KIF1B: variants seen among roughly 807,000 people sequenced by gnomAD.
The protein encoded by KIF1B is kinesin-like protein KIF1B.
KIF1B carries 76 observed loss-of-function variants against 241.9 expected under a neutral mutation model. The ratio of observed to expected loss-of-function variants is 0.31; its 90% confidence interval spans 0.26 to 0.38. The LOEUF (loss-of-function observed/expected upper bound fraction) is 0.38, where lower values mean the gene tolerates loss of function less well. Ranked by LOEUF, KIF1B falls within the 10% of genes least tolerant of loss-of-function variation. The pLI, the probability that KIF1B is intolerant of heterozygous loss-of-function variation, is 1.00. For synonymous variants in KIF1B, 750 were observed against 796.7 expected (o/e 0.94, Z 0.99); for missense variants, 1,622 against 2,271.4 (o/e 0.71, Z 5.81).
intron 22 of KIF1B, among the ~76,000 whole-genome samples, chr1:10,317,472 G>C (rs529622128): frequency 4.6e-5 from 7 of 151,396 alleles, no homozygotes; most frequent in African/African-American, 1.7e-4. Context: ...TCCTTTCAGT[G>C]GCAGTGGTAC....
intron 44 of KIF1B, 49 bp downstream of exon 44, chr1:10,368,587 C>T (rs1487408943): frequency 6.8e-7 from 1 of 1,480,112 alleles, no homozygotes; most frequent in Non-Finnish European, 9.5e-7. Flanking sequence ...TAACTGATTT[C>T]TCCACAGCAG....
intron 13 of KIF1B, chr1:10,278,762 T>C: frequency 3.9e-6 from 1 of 257,442 alleles, no homozygotes; most frequent in South Asian, 9.5e-5. Context: ...ATCCAGTGGC[T>C]TATTCAGAAG....
chr1:10,235,185 C>T (rs1230550611), intron 2 of KIF1B, among the ~76,000 whole-genome samples: 3 of 152,094 alleles, frequency 2.0e-5, no homozygotes, highest in South Asian at 2.1e-4. Flanking sequence ...CCACCGTGCT[C>T]GGCCAAAATA....
In KIF1B at chr1:10,326,273, C is replaced by T. The variant is rs138353787; in HGVS notation, c.2838C>T (p.Asp946=). Reference sequence around the variant, plus strand: ...CATTCGTGGATGACGCCGGCTCTGACGCAGGGACGGAGGAGGGATCAGATC... The same window carrying T: ...CATTCGTGGATGACGCCGGCTCTGATGCAGGGACGGAGGAGGGATCAGATC... The part of the protein sequence containing the change: ...DEAFVDDAGS[D]AGTEEGSDLF... The change falls in exon 27 of 49, where the codon GAC becomes GAT. Residue 946 remains aspartate, a synonymous_variant. Transcript: ENST00000676179. This position sits in a 1 kb window ranked among gnomAD's most constrained non-coding sequence, Gnocchi z 5.2. The T allele has an allele frequency of 9.3e-6, 15 of 1,614,012 alleles. No individual in the cohort carries two copies. The highest frequency in any genetic ancestry group is 2.2e-5 in the East Asian group (1 of 44,896).
chr1:10,304,655 A>G (rs935485975), intron 22 of KIF1B: 6 of 1,613,480 alleles, frequency 3.7e-6, no homozygotes, highest in Non-Finnish European at 5.1e-6. Context: ...TAAATCAGTT[A>G]CTGGACAAAC....
chr1:10,281,496 A>G (rs767207696), intron 14 of KIF1B, among the ~76,000 whole-genome samples: 2 of 152,168 alleles, frequency 1.3e-5, no homozygotes, highest in African/African-American at 2.4e-5. Context: ...CTTGCATTTT[A>G]TACTAGGAAG....
In KIF1B at chr1:10,295,139, T is replaced by G; in HGVS notation, c.1644T>G (p.Leu548=). ...NEDPLMSECL[L]YYIKDGITRV... is the part of the protein sequence containing the mutation. ...ACCCACTAATGTCTGAGTGCCTACT[T>G]TATTACATCAAAGATGGAATTACAA... The change falls in exon 18 of 49, where the codon CTT becomes CTG. Residue 548 remains leucine, a synonymous_variant. Coordinates refer to ENST00000676179, the MANE Select transcript of KIF1B (RefSeq NM_001365951.3). 1.9e-6 allele frequency: 3 copies of G among 1,605,396 alleles called. No individual in the cohort carries two copies. Among genetic ancestry groups the G allele is most frequent in the Non-Finnish European group, 2.6e-6 (3 of 1,172,028 alleles).
chr1:10,342,717 G>T (rs1652445613), intron 33 of KIF1B, among the ~76,000 whole-genome samples: 1 of 152,184 alleles, frequency 6.6e-6, no homozygotes, highest in Non-Finnish European at 1.5e-5. Flanking sequence ...TCCTTAAAGG[G>T]AATTAAAACA....
At chr1:10,221,094 C>CTT (rs34039054) in intron 1 of KIF1B, among the ~76,000 whole-genome samples, 3,744 of 94,232 alleles carry the variant, frequency 0.04, 518 homozygotes, top group African/African-American at 0.11. Flanking sequence ...CAGAAAGAAG[C>CTT]TTTTTTTTTT....
intron 27 of KIF1B, among the ~76,000 whole-genome samples, chr1:10,334,149 CAAAA>C (rs372716443): frequency 1.2e-5 from 1 of 82,938 alleles, no homozygotes; most frequent in Non-Finnish European, 2.3e-5. Context: ...GACTCTGTCT[CAAAA>C]AAAAAAAAAA....
chr1:10,316,627 A>G (rs1370835591), intron 22 of KIF1B, among the ~76,000 whole-genome samples: 1 of 151,284 alleles, frequency 6.6e-6, no homozygotes, highest in African/African-American at 2.5e-5. Flanking sequence ...CAGCCCCTCT[A>G]GTAGCTGGGA....
intron 38 of KIF1B, among the ~76,000 whole-genome samples, chr1:10,358,329 G>A (rs899145427): frequency 2.6e-5 from 4 of 152,178 alleles, no homozygotes; most frequent in Admixed American, 6.5e-5. Context: ...AGTTGAAAGA[G>A]TCAGTGTCAT....
At chr1:10,290,483 C>CT (rs541464888) in intron 15 of KIF1B, among the ~76,000 whole-genome samples, 246 of 151,796 alleles carry the variant, frequency 1.6e-3, no homozygotes, top group African/African-American at 5.8e-3. Context: ...GAACTTTATT[C>CT]TTTTTTTTCT....
At chr1:10,237,646 G>A (rs771859309) in intron 2 of KIF1B, among the ~76,000 whole-genome samples, 11 of 151,602 alleles carry the variant, frequency 7.3e-5, no homozygotes, top group East Asian at 3.9e-4. Context: ...TTTCATTCAC[G>A]CATACATTTC....
intron 2 of KIF1B, among the ~76,000 whole-genome samples, chr1:10,250,645 C>T (rs961361756): frequency 6.6e-6 from 1 of 152,074 alleles, no homozygotes; most frequent in Non-Finnish European, 1.5e-5. Context: ...GGCAACATGG[C>T]AAAGCCCCAT....
intron 1 of KIF1B, among the ~76,000 whole-genome samples, chr1:10,215,949 AT>A (rs1387871415): frequency 6.6e-6 from 1 of 152,208 alleles, no homozygotes; most frequent in Admixed American, 6.5e-5. Flanking sequence ...TAAATAAACA[AT>A]AACAGAAACA....
chr1:10,316,928 A>T (rs780880873), intron 22 of KIF1B, among the ~76,000 whole-genome samples: 1 of 150,002 alleles, frequency 6.7e-6, no homozygotes, highest in Non-Finnish European at 1.5e-5. Context: ...TGTTTTTCAG[A>T]TGGGATCTTG....
chr1:10,277,931 A>T, intron 12 of KIF1B, 55 bp from the exon 13 acceptor site: 1 of 1,485,908 alleles, frequency 6.7e-7, no homozygotes, highest in Non-Finnish European at 9.4e-7. Flanking sequence ...TATGTTACTT[A>T]TGAGAAGTAG....
At chr1:10,269,407 C>G (rs900610597) in intron 7 of KIF1B, among the ~76,000 whole-genome samples, 31 of 151,052 alleles carry the variant, frequency 2.1e-4, no homozygotes, top group African/African-American at 7.3e-4. Context: ...CCCAGCTGCT[C>G]AGGAGGCTGA....
Sources: gnomAD v4.1 joint callset for allele counts (sites outside exome capture counted in the v4.1 genomes callset) on GRCh38, gnomAD v4.1.1 for gene constraint, Gnocchi (gnomAD v3.1) non-coding constraint, MANE v1.5 for transcripts, NCBI Gene and HGNC (gene_info 2026-07-23, HGNC 2026-07-21) for gene names.